IGSF10: variants seen among roughly 807,000 people sequenced by gnomAD.
IGSF10 encodes the protein calvaria mechanical force protein 608.
In IGSF10, 126 loss-of-function variants were observed where a neutral mutation model predicts 128.2. That is an observed-to-expected ratio of 0.98 (90% CI 0.85 to 1.14). The LOEUF is 1.14. Among genes scored for constraint, IGSF10 ranks in the 50% most tolerant of loss-of-function variants. The pLI is 0.00. For missense variants in IGSF10, 3,295 were observed against 3,149.8 expected (o/e 1.05, Z -1.10); for synonymous variants, 1,185 against 1,146.2 (o/e 1.03, Z -0.68).
chr3:151,573,328 T>C, the IGSF10 span, among the ~76,000 whole-genome samples: 2 of 152,150 alleles, frequency 1.3e-5, no homozygotes, highest in South Asian at 4.1e-4. Flanking sequence ...GACAGTGGGG[T>C]ATTAAAGTCT....
At position 151,448,321 on chromosome 3, in the gene IGSF10, T is replaced by G. The variant is rs1052444448; in HGVS notation, c.1660A>C (p.Ser554Arg). The G allele has an allele frequency of 6.2e-7, 1 of 1,614,242 alleles. No homozygotes were observed. The highest frequency in any genetic ancestry group is 1.7e-5 in the Admixed American group (1 of 60,034). The change falls in exon 6 of 8, where the codon AGC (serine) becomes CGC (arginine). Residue 554 changes from serine (S) to arginine (R), a missense_variant. Physicochemically the swap from Ser to Arg is moderately radical, Grantham distance 110. Transcript: ENST00000282466. ...FDTGVYHCIS[S>R]NYDDADILTY... ...AGAATATCTGCATCATCATAATTGC[T>G]GCTTATACAGTGATATACGCCTGTG... is the stretch of plus-strand genomic sequence containing the variant.
chr3:151,523,278 A>T, the IGSF10 span, among the ~76,000 whole-genome samples: 4 of 152,148 alleles, frequency 2.6e-5, no homozygotes, highest in Non-Finnish European at 4.4e-5. Flanking sequence ...TTCCTATCAA[A>T]CTACCAATGA....
At chr3:151,561,760 T>C in the IGSF10 span, among the ~76,000 whole-genome samples, 1 of 152,090 alleles carries the variant, frequency 6.6e-6, no homozygotes, top group Non-Finnish European at 1.5e-5. Flanking sequence ...TACATATCTC[T>C]GGTAACCTGG....
At chr3:151,617,410 TG>T in the IGSF10 span, among the ~76,000 whole-genome samples, 1 of 151,034 alleles carries the variant, frequency 6.6e-6, no homozygotes, top group East Asian at 1.9e-4. Context: ...TTTTTTTTGT[TG>T]GGGGGATGGC....
chr3:151,505,902 G>A, the IGSF10 span, among the ~76,000 whole-genome samples: 1 of 151,642 alleles, frequency 6.6e-6, no homozygotes, highest in Non-Finnish European at 1.5e-5. Context: ...TAGATAAGGT[G>A]TTTATATAAA....
chr3:151,476,681 A>T, the IGSF10 span, among the ~76,000 whole-genome samples: 1 of 151,852 alleles, frequency 6.6e-6, no homozygotes, highest in African/African-American at 2.4e-5. Flanking sequence ...AGAATCTTAC[A>T]CTCACCACAG....
the IGSF10 span, among the ~76,000 whole-genome samples, chr3:151,614,136 A>AGTT: frequency 6.6e-6 from 1 of 152,218 alleles, no homozygotes; most frequent in Non-Finnish European, 1.5e-5. Context: ...ATCTCACACC[A>AGTT]GTTAGAATGG....
the IGSF10 span, among the ~76,000 whole-genome samples, chr3:151,599,546 T>C: frequency 1.3e-5 from 2 of 152,162 alleles, no homozygotes; most frequent in Admixed American, 6.5e-5. Context: ...TGGGCCACAT[T>C]TGACTTTATT....
the IGSF10 span, among the ~76,000 whole-genome samples, chr3:151,601,582 G>T: frequency 6.6e-6 from 1 of 152,130 alleles, no homozygotes; most frequent in East Asian, 1.9e-4. Flanking sequence ...GCTTTACTTG[G>T]GGCCTGTGTT....
At chr3:151,576,661 T>G in the IGSF10 span, among the ~76,000 whole-genome samples, 3 of 152,198 alleles carry the variant, frequency 2.0e-5, no homozygotes, top group Non-Finnish European at 4.4e-5. Flanking sequence ...AAAGCACCTC[T>G]GGTCATCCTC....
the IGSF10 span, among the ~76,000 whole-genome samples, chr3:151,488,421 T>A: frequency 6.6e-6 from 1 of 152,110 alleles, no homozygotes; most frequent in African/African-American, 2.4e-5. Flanking sequence ...GATTCAATGC[T>A]ATCCCCATCA....
At chr3:151,460,419 A>T (rs967821779) in intron 1 of IGSF10, 72 bp from the exon 2 acceptor site, 2 of 360,268 alleles carry the variant, frequency 5.6e-6, no homozygotes, top group Non-Finnish European at 7.7e-6. Flanking sequence ...AGCCAGGAGT[A>T]ATGCTCTTCA....
chr3:151,539,385 G>A, the IGSF10 span, among the ~76,000 whole-genome samples: 46 of 152,106 alleles, frequency 3.0e-4, no homozygotes, highest in African/African-American at 9.9e-4. Flanking sequence ...TCAAATAGGC[G>A]AATTCACTCC....
At chr3:151,455,933 C>G (rs1721769775) in intron 4 of IGSF10, among the ~76,000 whole-genome samples, 1 of 152,212 alleles carries the variant, frequency 6.6e-6, no homozygotes, top group East Asian at 1.9e-4. Flanking sequence ...GAACTATCAT[C>G]TCTGTCGAGA....
At chr3:151,607,892 C>A in the IGSF10 span, among the ~76,000 whole-genome samples, 1 of 106,210 alleles carries the variant, frequency 9.4e-6, no homozygotes, top group Non-Finnish European at 1.7e-5. Flanking sequence ...GCCTGGGCGA[C>A]AGAGTGAGAC....
Position 151,443,675 on chromosome 3 carries a change from G to T in IGSF10, c.5272C>A (p.His1758Asn). 1 of 1,614,198 alleles carries T rather than the reference G, an allele frequency of 6.2e-7. No individual in the cohort carries two copies. The highest frequency in any genetic ancestry group is 1.1e-5 in the South Asian group (1 of 91,080). ...TTCAGTTCCACAGTGCTTCCGGAATGAACTGTGATCTCTTTGGTACGTCTC... is the reference window on the plus strand; with the variant it reads ...TTCAGTTCCACAGTGCTTCCGGAATTAACTGTGATCTCTTTGGTACGTCTC... ...LERRTKEITV[H>N]SGSTVELKCR... Residue 1758 changes from histidine to asparagine, a missense_variant, in exon 7 of 8, where the codon CAT becomes AAT. Physicochemically the swap from His to Asn is moderately conservative, Grantham distance 68. Transcript: ENST00000282466.
chr3:151,517,950 C>T, the IGSF10 span, among the ~76,000 whole-genome samples: 5 of 151,998 alleles, frequency 3.3e-5, no homozygotes, highest in East Asian at 7.7e-4. Flanking sequence ...CCTTACGAAC[C>T]CCAGAGTTCT....
Position 151,446,189 on chromosome 3 carries a change from A to T in IGSF10, c.3792T>A (p.Ser1264=). 6.2e-7 allele frequency: 1 copy of T among 1,614,026 alleles called. No individual in the cohort carries two copies. The highest frequency in any genetic ancestry group is 8.5e-7 in the Non-Finnish European group (1 of 1,179,934). Residue 1264 remains serine, a synonymous_variant, in exon 6 of 8, where the codon TCT becomes TCA. Coordinates refer to ENST00000282466, the MANE Select transcript of IGSF10 (RefSeq NM_178822.5). ...TGTGGTGAGCGGTAGTCAAGGTATT[A>T]GATGGAATTTGCATCACACTTGTTG... is the stretch of plus-strand genomic sequence containing the variant. ...TLSTSVMQIP[S]NTLTTAHHTT...
the IGSF10 span, among the ~76,000 whole-genome samples, chr3:151,511,923 A>G: frequency 2.0e-5 from 3 of 152,260 alleles, no homozygotes; most frequent in African/African-American, 7.2e-5. Context: ...ACTGTCCTAA[A>G]TATATATGCA....
Sources: gnomAD v4.1 joint callset for allele counts (sites outside exome capture counted in the v4.1 genomes callset) on GRCh38, gnomAD v4.1.1 for gene constraint, MANE v1.5 for transcripts, NCBI Gene and HGNC (gene_info 2026-07-23, HGNC 2026-07-21) for gene names.